Variants in BRD1 observed in about 807,000 individuals in gnomAD.
The protein encoded by BRD1 is bromodomain containing 1.
A neutral mutation model predicts 107.7 loss-of-function variants in BRD1; 24 were observed. That is an observed-to-expected ratio of 0.22 (90% CI 0.16 to 0.31). The LOEUF is 0.31. Among genes scored for constraint, BRD1 ranks in the 10% least tolerant of loss-of-function variants. The pLI is 1.00. For missense variants in BRD1, 1,279 were observed against 1,638.6 expected (o/e 0.78, Z 3.79); for synonymous variants, 744 against 686.1 (o/e 1.08, Z -1.32).
intron 9 of BRD1, 145 bp from the exon 10 acceptor site, chr22:49,777,306 G>C: frequency 7.6e-7 from 1 of 1,308,922 alleles, no homozygotes. Flanking sequence ...TGGGTGCGCA[G>C]GTCTGGAGGG....
At chr22:49,775,346 G>A (rs557280509) in intron 12 of BRD1, 6 of 325,920 alleles carry the variant, frequency 1.8e-5, no homozygotes, top group Admixed American at 9.9e-5. Flanking sequence ...GGGCTCAGGC[G>A]AGAGGGAGAG....
intron 12 of BRD1, among the ~76,000 whole-genome samples, chr22:49,774,699 T>C (rs1324144392): frequency 1.3e-5 from 2 of 152,216 alleles, no homozygotes; most frequent in African/African-American, 2.4e-5. Context: ...TGACAAGACA[T>C]GCACACACCA....
chr22:49,824,401 A>G lies in BRD1; in HGVS notation c.-14-70T>C. On this transcript the variant is annotated intron_variant, in intron 1 of 12. Transcript: ENST00000404760. The surrounding 1 kb of genome is among the most constrained non-coding windows in gnomAD (Gnocchi z 5.9). ...AAAGACTCGAGAAAACCACAAAAGC[A>G]TGCTTGGACAGATCTAGCTCAGCAG... is the stretch of plus-strand genomic sequence containing the variant. The G allele has an allele frequency of 1.3e-6, 2 of 1,558,516 alleles. No homozygotes were observed. The highest frequency in any genetic ancestry group is 1.7e-6 in the Non-Finnish European group (2 of 1,156,546).
intron 8 of BRD1, among the ~76,000 whole-genome samples, chr22:49,786,293 AC>A (rs1349385373): frequency 6.6e-6 from 1 of 152,198 alleles, no homozygotes; most frequent in African/African-American, 2.4e-5. Context: ...CGCAGCCAGT[AC>A]CGAAGAAGCA....
chr22:49,775,334 T>A (rs1200547075), intron 12 of BRD1: 2 of 297,502 alleles, frequency 6.7e-6, no homozygotes, highest in East Asian at 5.4e-5. Context: ...TCCAGACCAA[T>A]GGGGCTCAGG....
At chr22:49,827,184 C>T (rs2060155845) in intron 1 of BRD1, among the ~76,000 whole-genome samples, 2 of 151,372 alleles carry the variant, frequency 1.3e-5, no homozygotes, top group Admixed American at 1.3e-4. Flanking sequence ...GCGGCCCAGG[C>T]CGCCGAGACC....
intron 5 of BRD1, 134 bp from the exon 6 acceptor site, chr22:49,798,251 A>T: frequency 9.8e-7 from 1 of 1,016,038 alleles, no homozygotes; most frequent in African/African-American, 1.6e-5. Flanking sequence ...CGGTACAGAC[A>T]TAAGACCCAA....
chr22:49,810,197 A>G (rs752514160), intron 2 of BRD1, among the ~76,000 whole-genome samples: 1 of 152,218 alleles, frequency 6.6e-6, no homozygotes. Flanking sequence ...CTAGACTGCT[A>G]TCAGGTAAAG....
rs569457456 is a variant in BRD1 at position 49,805,233 on chromosome 22, G to A, written c.1368-873C>T. Among the ~76,000 whole-genome samples, 7 of 152,256 alleles carry A rather than the reference G, an allele frequency of 4.6e-5. No homozygotes were observed. The East Asian group carries it at 7.7e-4, about 17-fold the overall frequency. On this transcript the variant is annotated intron_variant, in intron 2 of 12. Transcript: ENST00000404760. ...GGCACATGGAGCCACCAAGACCCTC[G>A]GCGCCTCTCATCCACCAAGGGAACC...
In BRD1 at chr22:49,827,813, G is replaced by T. The variant is rs1353748802; in HGVS notation, c.-331C>A. On this transcript the variant is annotated 5_prime_UTR_variant, in exon 1 of 13. Coordinates refer to ENST00000404760, the MANE Select transcript of BRD1 (RefSeq NM_001304808.3). Reference sequence around the variant, plus strand: ...GCGGCGGGCGGCGGGCGCGGGACGCGGGGCTGGCTCGGACTCCAGGGCCGG... The same window carrying T: ...GCGGCGGGCGGCGGGCGCGGGACGCTGGGCTGGCTCGGACTCCAGGGCCGG... Among the ~76,000 whole-genome samples, 9 of 145,888 alleles carry T rather than the reference G, an allele frequency of 6.2e-5. No individual in the cohort carries two copies. In the South Asian group the frequency reaches 1.7e-3, roughly 27 times the overall value.
At chr22:49,781,108 C>CCCCATCA (rs1210620291) in intron 8 of BRD1, among the ~76,000 whole-genome samples, 46 of 152,300 alleles carry the variant, frequency 3.0e-4, no homozygotes, top group African/African-American at 7.9e-4. Flanking sequence ...ACAGGAGCTG[C>CCCCATCA]ACGGAATTCC....
At position 49,783,040 on chromosome 22, in the gene BRD1, G is replaced by A. The variant is rs1007275460; in HGVS notation, c.2857+4350C>T. Among the ~76,000 whole-genome samples the A allele has an allele frequency of 4.0e-5, 6 of 149,618 alleles. No individual in the cohort carries two copies. The highest frequency in any genetic ancestry group is 1.2e-4 in the African/African-American group (5 of 40,508). ...GTCAGAGACAGACCCAAGGCCCATC[G>A]TGCTGGGACTCGCTCCGTGACAATG... On this transcript the variant is annotated intron_variant, in intron 8 of 12. Transcript: ENST00000404760. The surrounding 1 kb of genome is among the most constrained non-coding windows in gnomAD (Gnocchi z 4.2).
chr22:49,798,639 C>G lies in BRD1; in HGVS notation c.1704G>C (p.Thr568=), dbSNP rs750979921. 1.2e-6 allele frequency: 2 copies of G among 1,613,410 alleles called. No homozygotes were observed. Among genetic ancestry groups the G allele is most frequent in the South Asian group, 2.2e-5 (2 of 91,038 alleles). Residue 568 remains threonine (T), a synonymous_variant, in exon 5 of 13, where the codon ACG becomes ACC. Coordinates refer to ENST00000404760, the MANE Select transcript of BRD1 (RefSeq NM_001304808.3). ...VAMELRLTPL[T]VLLRSVLDQL... is the part of the protein sequence containing the mutation. Reference sequence around the variant, plus strand: ...GGTCCAGCACTGAGCGCAGCAGCACCGTCAGCGGGGTCAGCCGCAGCTCCA... The same window carrying G: ...GGTCCAGCACTGAGCGCAGCAGCACGGTCAGCGGGGTCAGCCGCAGCTCCA...
chr22:49,806,414 GGGA>G (rs772589125), intron 2 of BRD1: 14 of 152,222 alleles, frequency 9.2e-5, no homozygotes, highest in Non-Finnish European at 1.6e-4. Context: ...GGGAGGCTGA[GGGA>G]GCTCATGTGA....
intron 9 of BRD1, 77 bp from the exon 10 acceptor site, chr22:49,777,238 G>A (rs1289776728): frequency 1.3e-6 from 2 of 1,581,348 alleles, no homozygotes; most frequent in South Asian, 1.1e-5. Flanking sequence ...CCCGTGAGCT[G>A]TCCGCCACCA....
At chr22:49,797,704 G>T in intron 6 of BRD1, 101 bp downstream of exon 6, 1 of 1,245,268 alleles carries the variant, frequency 8.0e-7, no homozygotes, top group Non-Finnish European at 1.1e-6. Flanking sequence ...CATGCTAGTG[G>T]CTCCCGGACC....
At chr22:49,781,353 C>T (rs1184488293) in intron 8 of BRD1, among the ~76,000 whole-genome samples, 2 of 152,212 alleles carry the variant, frequency 1.3e-5, no homozygotes, top group Non-Finnish European at 2.9e-5. Flanking sequence ...AAGGCCACAG[C>T]GGCTGAGACA....
At chr22:49,818,388 G>A (rs778258250) in intron 2 of BRD1, 1 of 1,187,504 alleles carries the variant, frequency 8.4e-7, no homozygotes, top group Non-Finnish European at 1.1e-6. Context: ...ATGAACCTAG[G>A]AGTTTTGTTA....
Position 49,793,215 on chromosome 22 carries a change from G to A in BRD1, c.2359+819C>T, listed in dbSNP as rs574433296. On this transcript the variant is annotated intron_variant, in intron 7 of 12. Transcript: ENST00000404760. ...ACTTTCTATCAACGTCTCCAAATCCGATTTAGTTTTAAAATTCCTCTTTCA... is the reference window on the plus strand; with the variant it reads ...ACTTTCTATCAACGTCTCCAAATCCAATTTAGTTTTAAAATTCCTCTTTCA... Among the ~76,000 whole-genome samples, 9 of 152,260 alleles carry A rather than the reference G, an allele frequency of 5.9e-5. No individual in the cohort carries two copies. The East Asian group carries it at 7.7e-4, about 13-fold the overall frequency.
Sources: gnomAD v4.1 joint callset for allele counts (sites outside exome capture counted in the v4.1 genomes callset) on GRCh38, gnomAD v4.1.1 for gene constraint, Gnocchi (gnomAD v3.1) non-coding constraint, MANE v1.5 for transcripts, NCBI Gene and HGNC (gene_info 2026-07-23, HGNC 2026-07-21) for gene names.